Variants in WDR43 observed in about 807,000 individuals in gnomAD.
The protein encoded by WDR43 is WD repeat-containing protein 43.
Under a neutral mutation model 91.4 loss-of-function variants are expected in WDR43, and 13 were observed. The ratio of observed to expected loss-of-function variants is 0.14; its 90% CI spans 0.09 to 0.23. WDR43 has a LOEUF of 0.23. WDR43 is among the 10% of genes least tolerant of loss of function. The pLI, the probability that WDR43 is intolerant of heterozygous loss-of-function variation, is 1.00. For synonymous variants in WDR43, 331 were observed against 287.9 expected, an observed-to-expected ratio of 1.15 and a Z score of -1.51; for missense variants, 780 against 809.4, an observed-to-expected ratio of 0.96 and a Z score of 0.44.
intron 3 of WDR43, among the ~76,000 whole-genome samples, chr2:28,908,919 T>C (rs1336469059): frequency 6.6e-6 from 1 of 152,198 alleles, no homozygotes; most frequent in Non-Finnish European, 1.5e-5. Flanking sequence ...GCCTTAGACT[T>C]TCCTATGTTT....
intron 5 of WDR43, among the ~76,000 whole-genome samples, chr2:28,917,064 C>A (rs918392876): frequency 2.8e-4 from 42 of 151,926 alleles, no homozygotes; most frequent in Admixed American, 7.2e-4. Context: ...GCTTGGGGGC[C>A]GTTGTAATTA....
At chr2:28,935,646 A>G (rs372543557) in intron 12 of WDR43, 39 bp downstream of exon 12, 76 of 1,393,876 alleles carry the variant, frequency 5.5e-5, no homozygotes, top group South Asian at 4.1e-4. Flanking sequence ...TCCTAATGCC[A>G]TGAGTTAAAT....
chr2:28,919,202 G>T (rs1670974578), intron 6 of WDR43, among the ~76,000 whole-genome samples: 1 of 152,172 alleles, frequency 6.6e-6, no homozygotes, highest in Non-Finnish European at 1.5e-5. Context: ...AAGCTGTAGT[G>T]AGCTATGATC....
intron 14 of WDR43, among the ~76,000 whole-genome samples, chr2:28,940,111 C>CAAAAAAA (rs369746530): frequency 2.9e-5 from 3 of 103,322 alleles, no homozygotes; most frequent in Non-Finnish European, 5.5e-5. Context: ...GACTCCGTCT[C>CAAAAAAA]AAAAAAAAAA....
At chr2:28,925,412 GTATTTTGCACT>G (rs1223297427) in intron 8 of WDR43, among the ~76,000 whole-genome samples, 3 of 152,128 alleles carry the variant, frequency 2.0e-5, no homozygotes, top group Non-Finnish European at 4.4e-5. Context: ...AATCTGGTGT[GTATTTTGCACT>G]TCTAGCACAT....
chr2:28,939,758 A>C (rs934617812), intron 14 of WDR43, among the ~76,000 whole-genome samples: 1 of 152,184 alleles, frequency 6.6e-6, no homozygotes, highest in African/African-American at 2.4e-5. Context: ...CATTTGAATG[A>C]AACACTTTTT....
chr2:28,932,329 A>C (rs1671263907), intron 11 of WDR43, among the ~76,000 whole-genome samples: 1 of 152,016 alleles, frequency 6.6e-6, no homozygotes, highest in Non-Finnish European at 1.5e-5. Flanking sequence ...ACACCCAGCT[A>C]ATTTTGTATT....
chr2:28,935,148 T>C (rs755699650), intron 11 of WDR43, among the ~76,000 whole-genome samples: 5 of 152,236 alleles, frequency 3.3e-5, no homozygotes, highest in Non-Finnish European at 5.9e-5. Context: ...TAAGTAATTT[T>C]ACTGTTTTGC....
rs1260307879 is a variant in WDR43 at position 28,948,038 on chromosome 2, C to T, written c.*1259C>T. On this transcript the variant is annotated 3_prime_UTR_variant, in exon 18 of 18. Transcript: ENST00000407426. ...TTATCTTTGAGGGAGTTTTTAATAC[C>T]AATGACAGAACAGAGATTTGTGTGC... The T allele has an allele frequency of 6.6e-6, 1 of 151,852 alleles. No individual in the cohort carries two copies. The highest frequency in any genetic ancestry group is 1.5e-5 in the Non-Finnish European group (1 of 67,974). 9.4% of individuals were successfully genotyped at this position (151,852 alleles called of 1,614,324 possible).
chr2:28,914,241 T>TTCTC (rs1176030809), intron 5 of WDR43, 33 bp downstream of exon 5: 4 of 1,595,848 alleles, frequency 2.5e-6, no homozygotes, highest in Non-Finnish European at 3.4e-6. Context: ...GGAGGTAGCA[T>TTCTC]TGAAAGAATC....
intron 11 of WDR43, 61 bp downstream of exon 11, chr2:28,929,771 A>T (rs1410451674): frequency 3.0e-5 from 46 of 1,517,928 alleles, no homozygotes; most frequent in Non-Finnish European, 3.9e-5. Flanking sequence ...AAAATGATTG[A>T]CATAGCACAT....
intron 2 of WDR43, among the ~76,000 whole-genome samples, chr2:28,902,946 A>G (rs1326189804): frequency 2.0e-5 from 3 of 152,226 alleles, no homozygotes; most frequent in Non-Finnish European, 4.4e-5. Context: ...TTTGTTTTAA[A>G]TAACATTTGT....
In WDR43 at chr2:28,906,473, A is replaced by C; in HGVS notation, c.377A>C (p.Asp126Ala). The part of the protein sequence containing the change: ...LHSKLISGGH[D>A]NRVNCIQWHQ... ...TTTAATCTACAGAGTGGTGGACATG[A>C]CAACAGAGTCAACTGCATACAGTGG... The change falls in exon 3 of 18, where the codon GAC (aspartate) becomes GCC (alanine). Residue 126 changes from aspartate to alanine, a missense_variant. Asp to Ala is a moderately radical substitution (Grantham distance 126). Around this residue, in one of 4 missense-constraint regions of WDR43, gnomAD observed 174 missense variants for 207.3 expected, o/e 0.84. Transcript: ENST00000407426. 6.4e-7 allele frequency: 1 copy of C among 1,567,300 alleles called. No individual in the cohort carries two copies. Among genetic ancestry groups the C allele is most frequent in the South Asian group, 1.2e-5 (1 of 85,198 alleles).
chr2:28,920,262 G>A (rs1670999389), intron 6 of WDR43, among the ~76,000 whole-genome samples: 1 of 112,160 alleles, frequency 8.9e-6, no homozygotes, highest in Admixed American at 1.2e-4. Context: ...GTCTTGCTCT[G>A]TCACCCAGGC....
intron 9 of WDR43, 162 bp from the exon 10 acceptor site, chr2:28,927,407 T>G: frequency 1.1e-6 from 1 of 870,038 alleles, no homozygotes; most frequent in Non-Finnish European, 1.7e-6. Context: ...ACTTAAAAAG[T>G]TTGTCAACAT....
chr2:28,935,941 A>G (rs1473336704), intron 12 of WDR43, among the ~76,000 whole-genome samples: 1 of 152,176 alleles, frequency 6.6e-6, no homozygotes, highest in Non-Finnish European at 1.5e-5. Context: ...CACCCCAAAC[A>G]TAAAGCTCCC....
chr2:28,913,721 C>T (rs1405239813), intron 4 of WDR43: 3 of 531,508 alleles, frequency 5.6e-6, no homozygotes, highest in South Asian at 2.8e-5. Flanking sequence ...AAATGAGGAC[C>T]TACAATTCCT....
chr2:28,946,856 G>C lies in WDR43; in HGVS notation c.*77G>C. 1 of 1,444,720 alleles carries C rather than the reference G, an allele frequency of 6.9e-7. No homozygotes were observed. Among genetic ancestry groups the C allele is most frequent in the Non-Finnish European group, 9.1e-7 (1 of 1,099,606 alleles). 89.5% of individuals were successfully genotyped at this position (1,444,720 alleles called of 1,614,324 possible). A position where few individuals can be genotyped will look rare whatever the true frequency, so the allele number is the denominator to read the frequency against. ...AGTGGTGAGGGCTGCCTCTGTGCCAGGATGCCAAGGACCGCTGCACATTTC... is the reference window on the plus strand; with the variant it reads ...AGTGGTGAGGGCTGCCTCTGTGCCACGATGCCAAGGACCGCTGCACATTTC... On this transcript the variant is annotated 3_prime_UTR_variant, in exon 18 of 18. Coordinates refer to ENST00000407426, the MANE Select transcript of WDR43 (RefSeq NM_015131.3).
intron 14 of WDR43, among the ~76,000 whole-genome samples, chr2:28,938,824 C>G (rs935185144): frequency 6.6e-6 from 1 of 152,158 alleles, no homozygotes; most frequent in African/African-American, 2.4e-5. Flanking sequence ...CGCTAAGATG[C>G]TGGAATGGGG....
Sources: gnomAD v4.1 joint callset for allele counts (sites outside exome capture counted in the v4.1 genomes callset) on GRCh38, gnomAD v4.1.1 for gene constraint, gnomAD v4.1.1 regional missense constraint, MANE v1.5 for transcripts, NCBI Gene and HGNC (gene_info 2026-07-23, HGNC 2026-07-21) for gene names.